The following SPG11 variants were observed in gnomAD, a reference collection of about 807,000 sequenced individuals.
SPG11 encodes spatacsin.
In SPG11, 222 loss-of-function variants were observed where a neutral mutation model predicts 274.0. The ratio of observed to expected loss-of-function variants is 0.81; its 90% CI spans 0.73 to 0.91. The LOEUF (loss-of-function observed/expected upper bound fraction) is 0.91, where lower values mean the gene tolerates loss of function less well. Ranked by LOEUF, SPG11 falls within the 40% of genes least tolerant of loss-of-function variation. SPG11 has a pLI of 0.00. For synonymous variants in SPG11, 1,144 were observed against 1,039.7 expected (o/e 1.10, Z -1.93); for missense variants, 3,114 against 2,872.7 (o/e 1.08, Z -1.92).
chr15:44,574,918 A>T lies in SPG11; in HGVS notation c.5990T>A (p.Leu1997Gln), dbSNP rs879367729. 14 of 1,613,872 alleles carry T rather than the reference A, an allele frequency of 8.7e-6. No homozygotes were observed. The highest frequency in any genetic ancestry group is 1.1e-5 in the Non-Finnish European group (13 of 1,180,002). Residue 1997 changes from leucine to glutamine, a missense_variant, in exon 31 of 40, where the codon CTG becomes CAG. Leu to Gln is a moderately radical substitution (Grantham distance 113, BLOSUM62 -2). Transcript: ENST00000261866. ...GGCACATACCTTGGCAAGATCATAC[A>T]GACAGAGGACCTGTCGACAGTAGTT... ...GKNYCRQVLC[L>Q]YDLAKELGCS...
intron 8 of SPG11, 110 bp downstream of exon 8, chr15:44,633,389 CCCATGA>C (rs1370974029): frequency 1.2e-5 from 3 of 251,580 alleles, no homozygotes; most frequent in African/African-American, 9.0e-5. Context: ...TACGTAAAAT[CCCATGA>C]CTAAGTTTTG....
chr15:44,583,767 T>C (rs373730812), intron 30 of SPG11, 47 bp downstream of exon 30: 5 of 1,613,372 alleles, frequency 3.1e-6, no homozygotes, highest in Non-Finnish European at 3.4e-6. Context: ...GAGACAGTGC[T>C]AACAGTGCCA....
chr15:44,641,523 G>A (rs1375965933), intron 7 of SPG11, among the ~76,000 whole-genome samples: 1 of 140,742 alleles, frequency 7.1e-6, no homozygotes, highest in Non-Finnish European at 1.5e-5. Context: ...AAAAATACCC[G>A]AAAAGAAAAA....
chr15:44,651,874 C>T lies in SPG11; in HGVS notation c.1073G>A (p.Cys358Tyr), dbSNP rs548536926. Reference sequence around the variant, plus strand: ...AATATCCTGGAACCATGGAGCACAACAGGAAACCTCCAGTTTGGAGTTCTT... The same window carrying T: ...AATATCCTGGAACCATGGAGCACAATAGGAAACCTCCAGTTTGGAGTTCTT... Reference protein sequence around the residue: ...TIKNSKLEVSCCAPWFQDILH... With the variant: ...TIKNSKLEVSYCAPWFQDILH... The change falls in exon 6 of 40, where the codon TGT becomes TAT. Residue 358 changes from cysteine to tyrosine, a missense_variant. Cys to Tyr is a radical substitution (Grantham distance 194). Transcript: ENST00000261866. 5.6e-6 allele frequency: 9 copies of T among 1,613,470 alleles called. No individual in the cohort carries two copies. Among genetic ancestry groups the T allele is most frequent in the African/African-American group, 2.7e-5 (2 of 74,990 alleles).
intron 7 of SPG11, among the ~76,000 whole-genome samples, chr15:44,647,276 A>G (rs1472492771): frequency 1.3e-5 from 2 of 152,228 alleles, no homozygotes; most frequent in Non-Finnish European, 2.9e-5. Context: ...AAAAACAAAC[A>G]ATAACAAGTG....
At chr15:44,636,531 G>A (rs180914646) in intron 7 of SPG11, among the ~76,000 whole-genome samples, 24 of 151,984 alleles carry the variant, frequency 1.6e-4, no homozygotes, top group Admixed American at 2.6e-4. Flanking sequence ...GCGTGGTGGC[G>A]GGCGCCTATA....
chr15:44,597,753 C>G (rs1369049343), intron 23 of SPG11, among the ~76,000 whole-genome samples: 1 of 152,118 alleles, frequency 6.6e-6, no homozygotes, highest in Non-Finnish European at 1.5e-5. Context: ...AGGTCAGCCC[C>G]AGTGGGGCAG....
chr15:44,636,947 AAAAAAAAAAAC>A (rs1595909083), intron 7 of SPG11, among the ~76,000 whole-genome samples: 28 of 131,104 alleles, frequency 2.1e-4, no homozygotes, highest in East Asian at 1.9e-3. Flanking sequence ...AAAAAAAAAA[AAAAAAAAAAAC>A]AAAAAAAAAA....
chr15:44,566,412 A>ACAGG, intron 36 of SPG11, 107 bp from the exon 37 acceptor site: 1 of 1,120,434 alleles, frequency 8.9e-7, no homozygotes, highest in African/African-American at 1.5e-5. Flanking sequence ...AGCCATGTTC[A>ACAGG]CAGGCAGGCA....
Position 44,663,549 on chromosome 15 carries a change from G to T in SPG11, c.99C>A (p.Val33=), listed in dbSNP as rs1162532550. The T allele has an allele frequency of 6.3e-7, 1 of 1,597,926 alleles. No homozygotes were observed. Residue 33 remains valine (V), a synonymous_variant, in exon 1 of 40, where the codon GTC becomes GTA. Transcript: ENST00000261866. ...GRVLPMLLVP[V]PAEAMGQLGS... Reference sequence around the variant, plus strand: ...CGAGCTGCCCCATCGCCTCGGCGGGGACTGGCACCAACAGCATCGGTAGAA... The same window carrying T: ...CGAGCTGCCCCATCGCCTCGGCGGGTACTGGCACCAACAGCATCGGTAGAA...
At chr15:44,654,487 A>G (rs2084878711) in intron 4 of SPG11, among the ~76,000 whole-genome samples, 1 of 151,844 alleles carries the variant, frequency 6.6e-6, no homozygotes, top group African/African-American at 2.4e-5. Context: ...CAACCTTGGC[A>G]ATAGAGCAAG....
chr15:44,589,446 C>A (rs751285063), intron 27 of SPG11, 32 bp from the exon 28 acceptor site: 8 of 1,613,572 alleles, frequency 5.0e-6, no homozygotes, highest in South Asian at 3.3e-5. Context: ...TTAGGGAAAG[C>A]AGTTTCATGA....
chr15:44,626,353 G>T lies in SPG11; in HGVS notation c.2222C>A (p.Ala741Asp). ...CACCATATTCTTCAAAAGTTCAGAG[G>T]CTTCCTTTATATTGTTCTTTTTTAA... ...DNLKKNNIKE[A>D]SELLKNMGFD... is the part of the protein sequence containing the mutation. The change falls in exon 11 of 40, where the codon GCC becomes GAC. Residue 741 changes from alanine (A) to aspartate (D), a missense_variant. Physicochemically the swap from Ala to Asp is moderately radical, Grantham distance 126. Transcript: ENST00000261866. 1 of 1,612,472 alleles carries T rather than the reference G, an allele frequency of 6.2e-7. No homozygotes were observed. Among genetic ancestry groups the T allele is most frequent in the Non-Finnish European group, 8.5e-7 (1 of 1,179,688 alleles).
At chr15:44,585,430 C>CAAAAAAAAAAA (rs67858533) in intron 29 of SPG11, among the ~76,000 whole-genome samples, 20 of 97,012 alleles carry the variant, frequency 2.1e-4, no homozygotes, top group African/African-American at 7.7e-4. Flanking sequence ...ACTAAAAATA[C>CAAAAAAAAAAA]AAAAAAAAAA....
Position 44,610,977 on chromosome 15 carries a change from G to C in SPG11, c.3154C>G (p.Leu1052Val). Residue 1052 changes from leucine to valine, a missense_variant, in exon 18 of 40, where the codon CTG (leucine) becomes GTG (valine). Physicochemically the swap from Leu to Val is conservative, Grantham distance 32. Transcript: ENST00000261866. ...TTTGCAAGGCTAGCCTGGAAGATCA[G>C]TTTGGGATCTGGAAAATAAAAGACA... ...QVASNLTDPK[L>V]IFQASLANAQ... 1 of 1,606,256 alleles carries C rather than the reference G, an allele frequency of 6.2e-7. No individual in the cohort carries two copies. Among genetic ancestry groups the C allele is most frequent in the Non-Finnish European group, 8.5e-7 (1 of 1,175,528 alleles).
At chr15:44,655,293 G>T (rs1370040860) in intron 4 of SPG11, among the ~76,000 whole-genome samples, 2 of 152,148 alleles carry the variant, frequency 1.3e-5, no homozygotes, top group Non-Finnish European at 1.5e-5. Context: ...TTTTAAAAGT[G>T]ATTTCTTGTG....
chr15:44,604,931 CAAAAAAAAAAAAAA>C (rs908048525), intron 20 of SPG11, among the ~76,000 whole-genome samples: 2 of 22,494 alleles, frequency 8.9e-5, no homozygotes, highest in South Asian at 2.2e-3. Flanking sequence ...ACTCCATCTC[CAAAAAAAAAAAAAA>C]AAAAAAAAAA....
At chr15:44,578,461 T>G (rs1039044259) in intron 30 of SPG11, among the ~76,000 whole-genome samples, 2 of 151,738 alleles carry the variant, frequency 1.3e-5, no homozygotes, top group Non-Finnish European at 2.9e-5. Context: ...CAAGACAGAG[T>G]GGGGGTAACT....
At chr15:44,597,275 G>T in intron 23 of SPG11, 1 of 274,664 alleles carries the variant, frequency 3.6e-6, no homozygotes, top group African/African-American at 2.2e-5. Context: ...ACCACACCCG[G>T]CTAATTTTGT....
Sources: allele counts gnomAD v4.1 joint callset (sites outside exome capture counted in the v4.1 genomes callset), GRCh38; gene constraint gnomAD v4.1.1; transcripts MANE v1.5; gene names NCBI Gene and HGNC (gene_info 2026-07-23, HGNC 2026-07-21).